Variants in RBL1 observed in about 807,000 individuals in gnomAD.
The protein encoded by RBL1 is retinoblastoma-like protein 1.
Under a neutral mutation model 123.0 loss-of-function variants are expected in RBL1, and 82 were observed. The ratio of observed to expected loss-of-function variants is 0.67; its 90% confidence interval spans 0.56 to 0.80. RBL1 has a LOEUF of 0.80. RBL1 is among the 30% of genes least tolerant of loss of function. The pLI is 0.00. For missense variants in RBL1, 1,171 were observed against 1,299.6 expected, an observed-to-expected ratio of 0.90 and a Z score of 1.52; for synonymous variants, 405 against 441.3, an observed-to-expected ratio of 0.92 and a Z score of 1.03.
chr20:37,048,173 T>TAAAAC (rs929153309), intron 11 of RBL1, among the ~76,000 whole-genome samples: 1 of 152,066 alleles, frequency 6.6e-6, no homozygotes, highest in African/African-American at 2.4e-5. Flanking sequence ...GTGAGACACT[T>TAAAAC]AAAACAAAAG....
At chr20:37,003,989 G>T in intron 20 of RBL1, 123 bp from the exon 21 acceptor site, 1 of 753,412 alleles carries the variant, frequency 1.3e-6, no homozygotes, top group Non-Finnish European at 1.9e-6. Context: ...GCTCATTTAT[G>T]GTTGAGAAAA....
intron 16 of RBL1, among the ~76,000 whole-genome samples, chr20:37,029,413 T>A (rs554737302): frequency 6.6e-6 from 1 of 152,196 alleles, no homozygotes; most frequent in African/African-American, 2.4e-5. Flanking sequence ...AAAATCTGTA[T>A]ATAAGTGGAC....
At chr20:37,045,087 TATTTA>T (rs1472348366) in intron 12 of RBL1, among the ~76,000 whole-genome samples, 1 of 137,042 alleles carries the variant, frequency 7.3e-6, no homozygotes, top group Non-Finnish European at 1.6e-5. Context: ...TTTACTTATT[TATTTA>T]TTTATTTATT....
At chr20:37,092,431 G>A (rs572629406) in intron 1 of RBL1, among the ~76,000 whole-genome samples, 39 of 152,136 alleles carry the variant, frequency 2.6e-4, no homozygotes, top group African/African-American at 8.4e-4. Context: ...TGACTTCCCA[G>A]GAATGAGGGC....
rs2065730228 is a variant in RBL1, at chr20:37,095,852, T to G, written c.77A>C (p.Gln26Pro). ...AAGEALQALC[Q>P]ELNLDEGSAA... is the part of the protein sequence containing the mutation. ...GCTCCCCTCGTCCAGGTTCAGCTCC[T>G]GGCACAGGGCCTGTAGCGCCTCCCC... is the stretch of plus-strand genomic sequence containing the variant. The change falls in exon 1 of 22, where the codon CAG becomes CCG. Residue 26 changes from glutamine to proline, a missense_variant. Gln to Pro is a moderately conservative substitution (Grantham distance 76). Coordinates refer to ENST00000373664, the MANE Select transcript of RBL1 (RefSeq NM_002895.5). The G allele has an allele frequency of 6.2e-7, 1 of 1,608,460 alleles. No homozygotes were observed. The highest frequency in any genetic ancestry group is 2.2e-5 in the East Asian group (1 of 44,760).
At position 37,050,501 on chromosome 20, in the gene RBL1, C is replaced by T. The variant is rs2064890893; in HGVS notation, c.1468-3311G>A. On this transcript the variant is annotated intron_variant, in intron 11 of 21. Transcript: ENST00000373664. ...CGGAGCTTGCAGTGAGCTGAGATTG[C>T]ACCACTGCACTCCAGTCTGGGTGGC... Among the ~76,000 whole-genome samples, 8 of 131,380 alleles carry T rather than the reference C, an allele frequency of 6.1e-5. No individual in the cohort carries two copies. In the Admixed American group the frequency reaches 7.2e-4, roughly 12 times the overall value. 86.2% of individuals were successfully genotyped at this position (131,380 alleles called of 152,430 possible).
rs540137717 is a variant in RBL1 at position 37,009,923 on chromosome 20, G to A, written c.2723-2364C>T. 9.9e-5 allele frequency among the ~76,000 whole-genome samples: 15 copies of A among 152,104 alleles called. No homozygotes were observed. In the East Asian group the frequency reaches 2.9e-3, roughly 29 times the overall value. The stretch of plus-strand genomic sequence containing the variant: ...ACCTTTAGCCCTAGCTACTTGGGAG[G>A]CTGAGATGACAGGATCGCTTGAACC... On this transcript the variant is annotated intron_variant, in intron 19 of 21. Transcript: ENST00000373664.
chr20:37,000,454 G>C (rs1175051036), intron 21 of RBL1, among the ~76,000 whole-genome samples: 4 of 141,162 alleles, frequency 2.8e-5, no homozygotes, highest in African/African-American at 8.0e-5. Flanking sequence ...CTGCCCGTCC[G>C]GGAGGGAGGT....
In RBL1 at chr20:37,008,925, G is replaced by C. The variant is rs532079501; in HGVS notation, c.2723-1366C>G. ...AATTCAGAAATTCATGTTAGTATAA[G>C]GCTCTGAGAAGTACTGCAGTTGGGG... On this transcript the variant is annotated intron_variant, in intron 19 of 21. Transcript: ENST00000373664. Among the ~76,000 whole-genome samples, 481 of 152,230 alleles carry C rather than the reference G, an allele frequency of 3.2e-3. 8 individuals are homozygous for C. Among genetic ancestry groups the C allele is most frequent in the African/African-American group, 0.011 (474 of 41,542 alleles).
chr20:37,007,674 C>T, intron 19 of RBL1, 115 bp from the exon 20 acceptor site: 8 of 988,930 alleles, frequency 8.1e-6, no homozygotes, highest in Non-Finnish European at 1.2e-5. Context: ...CTCACTGCAG[C>T]CCTGACCTCC....
chr20:37,073,354 A>C (rs1352481377), intron 2 of RBL1, among the ~76,000 whole-genome samples: 1 of 152,190 alleles, frequency 6.6e-6, no homozygotes, highest in Non-Finnish European at 1.5e-5. Flanking sequence ...AACTAAAATA[A>C]GAAGCAAAGT....
chr20:37,024,786 T>C (rs528712889), intron 16 of RBL1, among the ~76,000 whole-genome samples: 1 of 152,312 alleles, frequency 6.6e-6, no homozygotes, highest in East Asian at 1.9e-4. Context: ...ATTTGCCATT[T>C]TGAAAATTAA....
intron 16 of RBL1, 33 bp from the exon 17 acceptor site, chr20:37,022,859 A>G (rs752799211): frequency 6.6e-7 from 1 of 1,516,034 alleles, no homozygotes; most frequent in South Asian, 1.2e-5. Flanking sequence ...GATGCAAAAC[A>G]CCAAGTAAAT....
At chr20:37,041,266 T>C (rs2064720186) in intron 13 of RBL1, among the ~76,000 whole-genome samples, 2 of 152,234 alleles carry the variant, frequency 1.3e-5, no homozygotes, top group African/African-American at 4.8e-5. Context: ...ATACTACTAT[T>C]AAAAATGTAA....
At chr20:37,030,290 A>G (rs2064485100) in intron 16 of RBL1, among the ~76,000 whole-genome samples, 2 of 152,212 alleles carry the variant, frequency 1.3e-5, no homozygotes, top group Admixed American at 6.5e-5. Context: ...CCCCATATCT[A>G]TGCTCAAGTG....
chr20:37,035,381 T>C lies in RBL1; in HGVS notation c.2031A>G (p.Glu677=). 1 of 1,614,192 alleles carries C rather than the reference T, an allele frequency of 6.2e-7. No individual in the cohort carries two copies. Among genetic ancestry groups the C allele is most frequent in the Non-Finnish European group, 8.5e-7 (1 of 1,180,024 alleles). The change falls in exon 15 of 22, where the codon GAA becomes GAG. Residue 677 remains glutamate (E), a synonymous_variant. Coordinates refer to ENST00000373664, the MANE Select transcript of RBL1 (RefSeq NM_002895.5). The stretch of plus-strand genomic sequence containing the variant: ...AAGGAGCGATTTTCAATTTTGTTCC[T>C]TCTGTTATGATCTTGTCCATAAGCA... ...KEMLMDKIIT[E]GTKLKIAPSS...
At chr20:37,024,501 A>G (rs1237936134) in intron 16 of RBL1, among the ~76,000 whole-genome samples, 2 of 152,202 alleles carry the variant, frequency 1.3e-5, no homozygotes. Flanking sequence ...TTTTGATTCT[A>G]ACATTCACAG....
At chr20:37,004,714 CAAA>C (rs11361452) in intron 20 of RBL1, among the ~76,000 whole-genome samples, 60 of 72,532 alleles carry the variant, frequency 8.3e-4, no homozygotes, top group African/African-American at 1.7e-3. Context: ...GACTCTGCCT[CAAA>C]AAAAAAAAAA....
At chr20:37,047,263 A>G in intron 11 of RBL1, 73 bp from the exon 12 acceptor site, 1 of 1,509,884 alleles carries the variant, frequency 6.6e-7, no homozygotes, top group Non-Finnish European at 8.8e-7. Flanking sequence ...AAAGAAACCT[A>G]TAAAAACAAG....
Sources: allele counts gnomAD v4.1 joint callset (sites outside exome capture counted in the v4.1 genomes callset), GRCh38; gene constraint gnomAD v4.1.1; transcripts MANE v1.5; gene names NCBI Gene and HGNC (gene_info 2026-07-23, HGNC 2026-07-21).